Variants in PTPRG observed in about 807,000 individuals in gnomAD.
PTPRG encodes the protein receptor-type tyrosine-protein phosphatase gamma.
Under a neutral mutation model 165.3 loss-of-function variants are expected in PTPRG, and 102 were observed. The observed-to-expected ratio is 0.62, with a 90% CI of 0.53 to 0.73. The LOEUF (loss-of-function observed/expected upper bound fraction) is 0.73, where lower values mean the gene tolerates loss of function less well. Among genes scored for constraint, PTPRG ranks in the 30% least tolerant of loss-of-function variants. The pLI is 0.00. For missense variants in PTPRG, 1,866 were observed against 1,861.4 expected, an observed-to-expected ratio of 1.00 and a Z score of -0.05; for synonymous variants, 675 against 669.5, an observed-to-expected ratio of 1.01 and a Z score of -0.13.
At chr3:61,659,495 G>A in intron 1 of PTPRG, 1 of 964,794 alleles carries the variant, frequency 1.0e-6, no homozygotes, top group South Asian at 4.8e-5. Context: ...AGAAGAGAAG[G>A]TAGGGGTCTG....
At chr3:61,880,456 C>G (rs771803031) in intron 2 of PTPRG, among the ~76,000 whole-genome samples, 1 of 151,850 alleles carries the variant, frequency 6.6e-6, no homozygotes, top group Non-Finnish European at 1.5e-5. Flanking sequence ...CCCATCTCTA[C>G]AAAAAATACA....
chr3:61,986,455 A>G (rs28507953), intron 2 of PTPRG, among the ~76,000 whole-genome samples: 68,770 of 152,052 alleles, frequency 0.45, 16,595 homozygotes, highest in African/African-American at 0.63. Flanking sequence ...ACTTTTAGCC[A>G]GGGGTTTCAG....
chr3:62,262,830 C>T lies in PTPRG; in HGVS notation c.2592C>T (p.Ile864=), dbSNP rs2148859420. 2 of 1,613,826 alleles carry T rather than the reference C, an allele frequency of 1.2e-6. No homozygotes were observed. The highest frequency in any genetic ancestry group is 1.7e-5 in the Admixed American group (1 of 60,010). Reference sequence around the variant, plus strand: ...AGCGCTGTACTGCTGATATGAACATCACTGCAGAGCATTCCAATCATCCAG... The same window carrying T: ...AGCGCTGTACTGCTGATATGAACATTACTGCAGAGCATTCCAATCATCCAG... ...EVQRCTADMN[I]TAEHSNHPEN... The change falls in exon 17 of 30, where the codon ATC becomes ATT. Residue 864 remains isoleucine, a synonymous_variant. Coordinates refer to ENST00000474889, the MANE Select transcript of PTPRG (RefSeq NM_002841.4).
intron 23 of PTPRG, among the ~76,000 whole-genome samples, chr3:62,274,916 T>A (rs1042997504): frequency 2.6e-5 from 4 of 152,168 alleles, no homozygotes; most frequent in African/African-American, 9.7e-5. Flanking sequence ...AATTTTTTTT[T>A]ATACATACTT....
At chr3:61,952,202 A>G (rs1287265847) in intron 2 of PTPRG, among the ~76,000 whole-genome samples, 1 of 151,900 alleles carries the variant, frequency 6.6e-6, no homozygotes, top group Non-Finnish European at 1.5e-5. Context: ...CATGTTTAGC[A>G]AACCTGGGGC....
intron 5 of PTPRG, among the ~76,000 whole-genome samples, chr3:62,105,989 A>G (rs898525140): frequency 6.6e-6 from 1 of 152,200 alleles, no homozygotes; most frequent in Non-Finnish European, 1.5e-5. Flanking sequence ...ACACATTTAG[A>G]GATTTTTTCT....
intron 4 of PTPRG, among the ~76,000 whole-genome samples, chr3:62,022,460 G>C: frequency 6.6e-6 from 1 of 152,136 alleles, no homozygotes; most frequent in East Asian, 1.9e-4. Flanking sequence ...TCTTGGCTCA[G>C]GAGAGGGTGG....
chr3:61,912,670 TA>T (rs1303869433), intron 2 of PTPRG, among the ~76,000 whole-genome samples: 2 of 152,238 alleles, frequency 1.3e-5, no homozygotes, highest in African/African-American at 2.4e-5. Context: ...TTTTGATATT[TA>T]ATTCCCCTTA....
intron 1 of PTPRG, among the ~76,000 whole-genome samples, chr3:61,671,374 A>C (rs1301445611): frequency 6.6e-6 from 1 of 151,884 alleles, no homozygotes; most frequent in African/African-American, 2.4e-5. Flanking sequence ...GCATCTGTTT[A>C]ACAAAGCACA....
intron 5 of PTPRG, among the ~76,000 whole-genome samples, chr3:62,092,439 GAAAAAAAAAAAAA>G (rs55955359): frequency 1.1e-5 from 1 of 89,436 alleles, no homozygotes; most frequent in Non-Finnish European, 2.1e-5. Flanking sequence ...GAGTCCATCT[GAAAAAAAAAAAAA>G]AAAAAAAGAA....
chr3:62,068,150 G>GT (rs1465966100), intron 4 of PTPRG, among the ~76,000 whole-genome samples: 1 of 152,164 alleles, frequency 6.6e-6, no homozygotes, highest in Non-Finnish European at 1.5e-5. Flanking sequence ...AAAAATAAGA[G>GT]TATCACTTCT....
chr3:61,840,310 T>C (rs1324488018), intron 2 of PTPRG, among the ~76,000 whole-genome samples: 2 of 152,160 alleles, frequency 1.3e-5, no homozygotes, highest in Admixed American at 6.5e-5. Flanking sequence ...CCAGGACCCA[T>C]TTCGATCTGT....
At chr3:61,674,668 T>G (rs778862639) in intron 1 of PTPRG, among the ~76,000 whole-genome samples, 8 of 152,260 alleles carry the variant, frequency 5.3e-5, no homozygotes, top group South Asian at 4.2e-4. Context: ...TGAAAATGAA[T>G]TAAAAATAAT....
chr3:61,732,394 G>A (rs539473276), intron 1 of PTPRG, among the ~76,000 whole-genome samples: 2 of 152,174 alleles, frequency 1.3e-5, no homozygotes, highest in East Asian at 3.9e-4. Flanking sequence ...TGGCTAACAC[G>A]GTGAAACCCT....
intron 2 of PTPRG, among the ~76,000 whole-genome samples, chr3:61,858,921 G>T (rs1416287572): frequency 6.6e-6 from 1 of 152,212 alleles, no homozygotes; most frequent in African/African-American, 2.4e-5. Flanking sequence ...AAAAATAAAT[G>T]CTCTCCGTTT....
intron 12 of PTPRG, among the ~76,000 whole-genome samples, chr3:62,215,580 C>G (rs1700480111): frequency 7.2e-6 from 1 of 138,816 alleles, no homozygotes; most frequent in Non-Finnish European, 1.5e-5. Flanking sequence ...CACACTTTCA[C>G]CAAATGTTAG....
In PTPRG at chr3:62,272,916, G is replaced by A. The variant is rs200235477; in HGVS notation, c.3183-30G>A. On this transcript the variant is annotated intron_variant, in intron 21 of 29. Coordinates refer to ENST00000474889, the MANE Select transcript of PTPRG (RefSeq NM_002841.4). Reference sequence around the variant, plus strand: ...AAGTTAACAGTATGATAAAACAAAAGTGCCAGTTGAGTGTCTTCATTTCTT... The same window carrying A: ...AAGTTAACAGTATGATAAAACAAAAATGCCAGTTGAGTGTCTTCATTTCTT... 3.5e-4 allele frequency: 546 copies of A among 1,548,688 alleles called. 2 individuals carry two copies. In the African/African-American group the frequency reaches 7.1e-3, roughly 20 times the overall value.
At chr3:62,276,756 T>G (rs1177176473) in intron 24 of PTPRG, 1 of 533,408 alleles carries the variant, frequency 1.9e-6, no homozygotes, top group African/African-American at 1.9e-5. Context: ...AAAACTGTAT[T>G]CCTACAATGC....
chr3:62,076,668 G>A (rs1330465061), intron 4 of PTPRG, among the ~76,000 whole-genome samples: 4 of 150,808 alleles, frequency 2.7e-5, no homozygotes, highest in African/African-American at 7.3e-5. Context: ...CGCAGCATCC[G>A]CCTCCCAGGT....
Sources: allele counts gnomAD v4.1 joint callset (sites outside exome capture counted in the v4.1 genomes callset), GRCh38; gene constraint gnomAD v4.1.1; transcripts MANE v1.5; gene names NCBI Gene and HGNC (gene_info 2026-07-23, HGNC 2026-07-21).